Variants in TTLL12 observed in about 807,000 individuals in gnomAD.
TTLL12 encodes the protein tubulin--tyrosine ligase-like protein 12.
Under a neutral mutation model 79.6 loss-of-function variants are expected in TTLL12, and 77 were observed. The observed-to-expected ratio is 0.97, with a 90% CI of 0.81 to 1.17. The LOEUF (loss-of-function observed/expected upper bound fraction) is 1.17, where lower values mean the gene tolerates loss of function less well. Among genes scored for constraint, TTLL12 ranks in the 50% most tolerant of loss-of-function variants. The pLI is 0.00. For missense variants in TTLL12, 969 were observed against 895.9 expected, an observed-to-expected ratio of 1.08 and a Z score of -1.04; for synonymous variants, 437 against 376.1, an observed-to-expected ratio of 1.16 and a Z score of -1.87.
At chr22:43,174,774 A>AC in intron 6 of TTLL12, among the ~76,000 whole-genome samples, 159 bp from the exon 7 acceptor site, 1 of 152,074 alleles carries the variant, frequency 6.6e-6, no homozygotes, top group Non-Finnish European at 1.5e-5. Flanking sequence ...CCGGGTTCAG[A>AC]CCCCGCTCCC....
chr22:43,169,410 G>A lies in TTLL12; in HGVS notation c.1644+90C>T, dbSNP rs1445945818. 3.5e-6 allele frequency: 4 copies of A among 1,154,792 alleles called. No homozygotes were observed. The African/African-American group carries it at 4.7e-5, about 13-fold the overall frequency. 71.5% of individuals were successfully genotyped at this position (1,154,792 alleles called of 1,614,324 possible). On this transcript the variant is annotated intron_variant, in intron 12 of 13. Coordinates refer to ENST00000216129, the MANE Select transcript of TTLL12 (RefSeq NM_015140.4). Reference sequence around the variant, plus strand: ...GGGACAAAGGTCCCTCCCAGCCCATGCCAGCAGAGAGGGAAGGGAGCAGCT... The same window carrying A: ...GGGACAAAGGTCCCTCCCAGCCCATACCAGCAGAGAGGGAAGGGAGCAGCT...
At position 43,167,547 on chromosome 22, in the gene TTLL12, C is replaced by T. The variant is rs190066425; in HGVS notation, c.*461G>A. ...GTCCTGATGCATAAGAGCAGAGACC[C>T]CGGAAGAGAAACCCGCCTGCCCCGT... On this transcript the variant is annotated 3_prime_UTR_variant, in exon 14 of 14. Coordinates refer to ENST00000216129, the MANE Select transcript of TTLL12 (RefSeq NM_015140.4). The T allele has an allele frequency of 4.9e-4, 92 of 188,812 alleles. No individual in the cohort carries two copies. The highest frequency in any genetic ancestry group is 8.8e-4 in the Non-Finnish European group (79 of 89,620). The allele number at this position is 188,812 out of a possible 1,614,324, so 11.7% of individuals were successfully genotyped here.
Position 43,176,413 on chromosome 22 carries a change from C to G in TTLL12, c.841-17G>C. 1.3e-6 allele frequency: 2 copies of G among 1,596,814 alleles called. No individual in the cohort carries two copies. Among genetic ancestry groups the G allele is most frequent in the Non-Finnish European group, 1.7e-6 (2 of 1,172,380 alleles). ...CAGAATGGCCTAAAAGGAAACACAC[C>G]GGAAGTAGAGATGAGGTCAAGGAAG... On this transcript the variant is annotated splice_polypyrimidine_tract_variant and intron_variant, in intron 5 of 13. Coordinates refer to ENST00000216129, the MANE Select transcript of TTLL12 (RefSeq NM_015140.4).
At chr22:43,173,667 G>C (rs764418004) in intron 9 of TTLL12, 48 bp downstream of exon 9, 1 of 1,564,602 alleles carries the variant, frequency 6.4e-7, no homozygotes, top group Non-Finnish European at 8.7e-7. Context: ...ACCTCTCACT[G>C]TCCAGCCAGG....
intron 10 of TTLL12, 47 bp downstream of exon 10, chr22:43,172,356 C>A (rs201357414): frequency 6.2e-7 from 1 of 1,602,068 alleles, no homozygotes; most frequent in Non-Finnish European, 8.5e-7. Flanking sequence ...TACCTCCACC[C>A]GGTCACCCAG....
At chr22:43,169,309 C>A (rs1931701737) in intron 12 of TTLL12, among the ~76,000 whole-genome samples, 191 bp downstream of exon 12, 1 of 152,180 alleles carries the variant, frequency 6.6e-6, no homozygotes, top group South Asian at 2.1e-4. Flanking sequence ...CTCAGGAGCA[C>A]CCACAAATGC....
intron 6 of TTLL12, among the ~76,000 whole-genome samples, chr22:43,174,996 C>T (rs976832668): frequency 7.9e-5 from 12 of 152,258 alleles, no homozygotes; most frequent in Non-Finnish European, 1.0e-4. Context: ...CAAGGGCCTC[C>T]GTGAGGCCTC....
chr22:43,170,732 G>A lies in TTLL12; in HGVS notation c.1575+1087C>T, dbSNP rs935348743. On this transcript the variant is annotated intron_variant, in intron 11 of 13. Coordinates refer to ENST00000216129, the MANE Select transcript of TTLL12 (RefSeq NM_015140.4). ...TTCAGACAAGCCTGGGCAACATGGC[G>A]AAACCCCGTCTCTACTAAAAATACA... 3.9e-5 allele frequency among the ~76,000 whole-genome samples: 6 copies of A among 152,182 alleles called. No homozygotes were observed. In the East Asian group the frequency reaches 7.7e-4, roughly 20 times the overall value.
intron 2 of TTLL12, among the ~76,000 whole-genome samples, chr22:43,182,552 G>A (rs761565776): frequency 1.3e-5 from 2 of 152,178 alleles, no homozygotes; most frequent in Non-Finnish European, 2.9e-5. Context: ...CGTGGTCCTT[G>A]GCAAGGCCAG....
rs781338840 is a variant in TTLL12, at chr22:43,179,932, G to A, written c.615C>T (p.Asp205=). Residue 205 remains aspartate, a synonymous_variant, in exon 4 of 14, where the codon GAC becomes GAT. Coordinates refer to ENST00000216129, the MANE Select transcript of TTLL12 (RefSeq NM_015140.4). ...AGGGTGCCGTGGCGAAGCTGGGCAC[G>A]TCCGCGTGCTGGATCCGCGAACCGA... is the stretch of plus-strand genomic sequence containing the variant. ...DEFGSRIQHA[D]VPSFATAPFF... The A allele has an allele frequency of 3.3e-5, 53 of 1,610,848 alleles. No individual in the cohort carries two copies. The highest frequency in any genetic ancestry group is 3.0e-4 in the South Asian group (27 of 91,056).
intron 11 of TTLL12, among the ~76,000 whole-genome samples, chr22:43,170,633 G>A (rs1217798151): frequency 3.9e-5 from 6 of 152,218 alleles, no homozygotes; most frequent in East Asian, 1.9e-4. Flanking sequence ...GTAGGAGGCC[G>A]GGCATGGTGG....
At chr22:43,174,718 A>C in intron 6 of TTLL12, 103 bp from the exon 7 acceptor site, 1 of 847,212 alleles carries the variant, frequency 1.2e-6, no homozygotes, top group Non-Finnish European at 1.8e-6. Flanking sequence ...TTTGAAGCTA[A>C]TGAGGCAGAG....
intron 8 of TTLL12, among the ~76,000 whole-genome samples, 164 bp downstream of exon 8, chr22:43,174,045 G>C (rs1931834524): frequency 6.6e-6 from 1 of 152,162 alleles, no homozygotes; most frequent in Admixed American, 6.5e-5. Context: ...CAAAAACCTG[G>C]AGAGGTCCTG....
chr22:43,170,122 GGCCCCTATGGAAGCCC>G, intron 11 of TTLL12: 1 of 356,644 alleles, frequency 2.8e-6, no homozygotes, highest in South Asian at 2.1e-5. Context: ...AGCCAGGAAA[GGCCCCTATGGAAGCCC>G]GCCATCCATG....
At chr22:43,183,505 G>A (rs561590991) in intron 1 of TTLL12, among the ~76,000 whole-genome samples, 1 of 152,348 alleles carries the variant, frequency 6.6e-6, no homozygotes, top group East Asian at 1.9e-4. Flanking sequence ...CCCAAAGGCA[G>A]AGAGGGTGGC....
intron 6 of TTLL12, among the ~76,000 whole-genome samples, chr22:43,174,888 A>G (rs866123910): frequency 6.6e-6 from 1 of 152,394 alleles, no homozygotes; most frequent in South Asian, 2.1e-4. Flanking sequence ...CATTAAAATT[A>G]AATGGCATAA....
intron 1 of TTLL12, among the ~76,000 whole-genome samples, chr22:43,186,194 C>CCT (rs1555982115): frequency 6.8e-6 from 1 of 147,464 alleles, no homozygotes; most frequent in Admixed American, 6.7e-5. Context: ...AAAACACCCC[C>CCT]CCCCCCGCCA....
At chr22:43,179,587 A>G in intron 5 of TTLL12, 32 bp downstream of exon 5, 1 of 1,530,882 alleles carries the variant, frequency 6.5e-7, no homozygotes, top group South Asian at 1.2e-5. Flanking sequence ...GCTACCAAGC[A>G]GACAGGCCTG....
rs1341668316 is a variant in TTLL12, at chr22:43,179,673, G to A, written c.786C>T (p.Thr262=). 5.7e-6 allele frequency: 9 copies of A among 1,580,142 alleles called. No homozygotes were observed. Among genetic ancestry groups the A allele is most frequent in the African/African-American group, 2.7e-5 (2 of 73,640 alleles). The change falls in exon 5 of 14, where the codon ACC becomes ACT. Residue 262 remains threonine (T), a synonymous_variant. Transcript: ENST00000216129. ...TGCAAGAGCTGAGGTCCAGCATGTCGGTGGGGGCCCAGGGCAGCAGCATGC... is the reference window on the plus strand; with the variant it reads ...TGCAAGAGCTGAGGTCCAGCATGTCAGTGGGGGCCCAGGGCAGCAGCATGC... ...RKCMLLPWAP[T]DMLDLSSCTP... is the part of the protein sequence containing the mutation.
Sources: allele counts gnomAD v4.1 joint callset (sites outside exome capture counted in the v4.1 genomes callset), GRCh38; gene constraint gnomAD v4.1.1; transcripts MANE v1.5; gene names NCBI Gene and HGNC (gene_info 2026-07-23, HGNC 2026-07-21).